Variants in CDH13 observed in about 807,000 individuals in gnomAD.
CDH13 encodes cadherin 13.
CDH13 carries 24 observed loss-of-function variants against 63.8 expected under a neutral mutation model. The ratio of observed to expected loss-of-function variants is 0.38; its 90% CI spans 0.27 to 0.53. The LOEUF (loss-of-function observed/expected upper bound fraction) is 0.53. CDH13 is among the 20% of genes least tolerant of loss of function. The pLI, the probability that CDH13 is intolerant of heterozygous loss-of-function variation, is 0.85. For synonymous variants in CDH13, 503 were observed against 355.3 expected (o/e 1.42, Z -4.67); for missense variants, 1,049 against 903.1 (o/e 1.16, Z -2.07).
intron 4 of CDH13, among the ~76,000 whole-genome samples, chr16:83,173,857 C>A (rs1284013553): frequency 6.6e-6 from 1 of 152,004 alleles, no homozygotes; most frequent in African/African-American, 2.4e-5. Context: ...CATTCTGCCA[C>A]CCTGGGGTTC....
intron 4 of CDH13, among the ~76,000 whole-genome samples, chr16:83,212,625 T>G (rs183370375): frequency 6.6e-6 from 1 of 152,310 alleles, no homozygotes. Context: ...ACCCAGCCTA[T>G]TTTTAGCAGA....
intron 6 of CDH13, among the ~76,000 whole-genome samples, chr16:83,360,924 T>A (rs1479712858): frequency 6.6e-6 from 1 of 152,236 alleles, no homozygotes; most frequent in Non-Finnish European, 1.5e-5. Flanking sequence ...TATGAGTGCA[T>A]GTGTCTTTTT....
At chr16:83,579,507 A>G (rs1905351049) in intron 7 of CDH13, among the ~76,000 whole-genome samples, 1 of 152,072 alleles carries the variant, frequency 6.6e-6, no homozygotes, top group South Asian at 2.1e-4. Flanking sequence ...CACACTTTTA[A>G]ACAACCAGAT....
intron 6 of CDH13, among the ~76,000 whole-genome samples, chr16:83,478,905 C>T (rs904593270): frequency 1.3e-5 from 2 of 151,974 alleles, no homozygotes; most frequent in Non-Finnish European, 2.9e-5. Context: ...TGGACATCCC[C>T]TCAAATGAAA....
intron 6 of CDH13, among the ~76,000 whole-genome samples, chr16:83,388,027 G>A (rs1473461527): frequency 1.3e-5 from 2 of 152,062 alleles, no homozygotes; most frequent in Non-Finnish European, 2.9e-5. Flanking sequence ...TCAGGACTGG[G>A]GTAAAAGACC....
intron 9 of CDH13, among the ~76,000 whole-genome samples, chr16:83,676,376 G>A (rs1914957016): frequency 6.6e-6 from 1 of 152,114 alleles, no homozygotes; most frequent in African/African-American, 2.4e-5. Flanking sequence ...CTGTTCAGAG[G>A]GCCCACCCTC....
At chr16:82,925,228 G>T (rs998559260) in intron 2 of CDH13, among the ~76,000 whole-genome samples, 3 of 152,166 alleles carry the variant, frequency 2.0e-5, no homozygotes, top group Non-Finnish European at 4.4e-5. Flanking sequence ...CAAAGAGGGA[G>T]GAGGTGACAT....
At chr16:82,943,856 T>G (rs1231843068) in intron 2 of CDH13, among the ~76,000 whole-genome samples, 1 of 152,218 alleles carries the variant, frequency 6.6e-6, no homozygotes, top group East Asian at 1.9e-4. Flanking sequence ...GCAATCGGCT[T>G]GCCACATCAT....
intron 4 of CDH13, among the ~76,000 whole-genome samples, chr16:83,200,190 A>G (rs1366556604): frequency 6.6e-6 from 1 of 152,120 alleles, no homozygotes; most frequent in Non-Finnish European, 1.5e-5. Context: ...CCTTAACAGG[A>G]TGAGGGTGTG....
chr16:83,109,782 G>C (rs1238375585), intron 3 of CDH13, among the ~76,000 whole-genome samples: 1 of 152,216 alleles, frequency 6.6e-6, no homozygotes, highest in Non-Finnish European at 1.5e-5. Flanking sequence ...ATCAGTGCCA[G>C]AGCAGATAGA....
chr16:83,637,179 A>G (rs536747251), intron 8 of CDH13, among the ~76,000 whole-genome samples: 1 of 152,330 alleles, frequency 6.6e-6, no homozygotes, highest in Non-Finnish European at 1.5e-5. Flanking sequence ...TTTTCTGATT[A>G]AAACATAACT....
chr16:83,532,694 T>A (rs2075106941), intron 7 of CDH13, among the ~76,000 whole-genome samples: 1 of 152,202 alleles, frequency 6.6e-6, no homozygotes. Flanking sequence ...GCCTGGTGCC[T>A]TGTAAGTTCT....
At chr16:83,029,727 T>A (rs1916132015) in intron 2 of CDH13, among the ~76,000 whole-genome samples, 1 of 152,116 alleles carries the variant, frequency 6.6e-6, no homozygotes, top group Non-Finnish European at 1.5e-5. Context: ...GGTTAGGAAT[T>A]TTACTCAGGA....
chr16:83,234,259 GC>G (rs1319691749), intron 5 of CDH13, among the ~76,000 whole-genome samples: 1 of 152,200 alleles, frequency 6.6e-6, no homozygotes, highest in Non-Finnish European at 1.5e-5. Flanking sequence ...TAGGTGCTTT[GC>G]GGGGATGATT....
chr16:82,661,296 T>C (rs962129907), intron 1 of CDH13, among the ~76,000 whole-genome samples: 1 of 152,244 alleles, frequency 6.6e-6, no homozygotes, highest in African/African-American at 2.4e-5. Flanking sequence ...AGCTTAATTA[T>C]GTGAAGTACA....
chr16:82,711,950 T>C (rs891571868), intron 1 of CDH13, among the ~76,000 whole-genome samples: 3 of 152,196 alleles, frequency 2.0e-5, no homozygotes, highest in African/African-American at 4.8e-5. Flanking sequence ...ACACAGCTAC[T>C]AGGCAGTCAA....
intron 3 of CDH13, among the ~76,000 whole-genome samples, chr16:83,077,716 G>A (rs527368521): frequency 6.6e-6 from 1 of 152,108 alleles, no homozygotes; most frequent in African/African-American, 2.4e-5. Flanking sequence ...TCTTTCGCTT[G>A]GGTAGACTCC....
chr16:83,496,958 G>A (rs2074160514), intron 7 of CDH13, among the ~76,000 whole-genome samples: 5 of 152,170 alleles, frequency 3.3e-5, no homozygotes, highest in Admixed American at 3.3e-4. Context: ...AAACCACAAT[G>A]AGATACCATC....
chr16:83,613,469 C>A (rs1030508539), intron 8 of CDH13, among the ~76,000 whole-genome samples: 1 of 152,148 alleles, frequency 6.6e-6, no homozygotes, highest in Non-Finnish European at 1.5e-5. Context: ...ACTTTCTATG[C>A]TTCTGTTGAG....
Sources: gnomAD v4.1 joint callset for allele counts (sites outside exome capture counted in the v4.1 genomes callset) on GRCh38, gnomAD v4.1.1 for gene constraint, MANE v1.5 for transcripts, NCBI Gene and HGNC (gene_info 2026-07-23, HGNC 2026-07-21) for gene names.